Variants in CACNA1H observed in about 807,000 individuals in gnomAD.
The protein encoded by CACNA1H is voltage-dependent T-type calcium channel subunit alpha-1H.
In CACNA1H, 149 loss-of-function variants were observed where a neutral mutation model predicts 192.5. The observed-to-expected ratio is 0.77, with a 90% CI of 0.68 to 0.89. The LOEUF is 0.89. Among genes scored for constraint, CACNA1H ranks in the 40% least tolerant of loss-of-function variants. The pLI is 0.00. For missense variants in CACNA1H, 4,257 were observed against 3,423.5 expected (o/e 1.24, Z -6.08); for synonymous variants, 2,202 against 1,475.2 (o/e 1.49, Z -11.29).
At chr16:1,207,187 C>T (rs953513832) in intron 13 of CACNA1H, 69 bp downstream of exon 13, 15 of 1,547,168 alleles carry the variant, frequency 9.7e-6, no homozygotes, top group Non-Finnish European at 1.2e-5. Flanking sequence ...GAGGTGCCGT[C>T]CTGCGCATCC....
chr16:1,196,532 C>T (rs1966996611), intron 5 of CACNA1H, among the ~76,000 whole-genome samples: 1 of 152,224 alleles, frequency 6.6e-6, no homozygotes, highest in African/African-American at 2.4e-5. Context: ...TGCTTCTGGC[C>T]CCTACTCTCC....
chr16:1,163,381 C>T (rs1012233405), intron 2 of CACNA1H, among the ~76,000 whole-genome samples: 8 of 152,168 alleles, frequency 5.3e-5, no homozygotes, highest in African/African-American at 1.4e-4. Context: ...CTCGTGCTCC[C>T]GGGAGGGGGT....
In CACNA1H at chr16:1,207,775, T is replaced by C. The variant is rs1378182590; in HGVS notation, c.3069T>C (p.Asp1023=). The change falls in exon 15 of 35, where the codon GAT becomes GAC. Residue 1023 remains aspartate (D), a synonymous_variant. Coordinates refer to ENST00000348261, the MANE Select transcript of CACNA1H (RefSeq NM_021098.3). The stretch of plus-strand genomic sequence containing the variant: ...TTGTGCTTTGTTGGGTTTAGGGCGA[T>C]GCCAACAGATCCGACACGGACGAGG... ...ILVEGFQAEG[D]ANRSDTDEDK... The C allele has an allele frequency of 6.3e-7, 1 of 1,596,352 alleles. No individual in the cohort carries two copies. The highest frequency in any genetic ancestry group is 1.1e-5 in the South Asian group (1 of 87,904).
rs1970361160 is a variant in CACNA1H, at chr16:1,220,071, A to T, written c.6139A>T (p.Arg2047Trp). ...AGAGCCTGGTGAGAAAACCCCGGTG[A>T]GGCCGGTGACCCAGGGGGGCTCCCT... ...PAEPGEKTPVRPVTQGGSLQS... is the reference protein window; with the variant it reads ...PAEPGEKTPVWPVTQGGSLQS... The change falls in exon 35 of 35, where the codon AGG (arginine) becomes TGG (tryptophan). Residue 2047 changes from arginine to tryptophan, a missense_variant. Coordinates refer to ENST00000348261, the MANE Select transcript of CACNA1H (RefSeq NM_021098.3). The T allele has an allele frequency of 1.4e-6, 2 of 1,440,088 alleles. No homozygotes were observed. Among genetic ancestry groups the T allele is most frequent in the African/African-American group, 3.0e-5 (2 of 67,212 alleles). The allele number at this position is 1,440,088 out of a possible 1,614,324, so 89.2% of individuals were successfully genotyped here.
At position 1,211,609 on chromosome 16, in the gene CACNA1H, G is replaced by T. The variant is rs534697226; in HGVS notation, c.4476+3G>T. 3.0e-5 allele frequency: 48 copies of T among 1,609,358 alleles called. No individual in the cohort carries two copies. The South Asian group carries it at 4.6e-4, about 16-fold the overall frequency. Reference sequence around the variant, plus strand: ...ACAACTTCGACAACCTGGGCCAGGTGGGCTGGGCGGCCGGGCGGGAGCTGG... The same window carrying T: ...ACAACTTCGACAACCTGGGCCAGGTTGGCTGGGCGGCCGGGCGGGAGCTGG... On this transcript the variant is annotated splice_donor_region_variant and intron_variant, in intron 23 of 34. Transcript: ENST00000348261.
At chr16:1,168,078 G>C (rs976408713) in intron 2 of CACNA1H, among the ~76,000 whole-genome samples, 2 of 152,168 alleles carry the variant, frequency 1.3e-5, no homozygotes, top group African/African-American at 4.8e-5. Context: ...GATGTTTTCG[G>C]AAGGGGTGCC....
rs1196615608 is a variant in CACNA1H at position 1,153,200 on chromosome 16, C to T, written c.-289C>T. On this transcript the variant is annotated 5_prime_UTR_variant, in exon 1 of 35. Transcript: ENST00000348261. ...CGCGCCCCGCGCCCCGCGCCCCGCG[C>T]CCCGGCCTCACCCGTCCGCTCAGCG... is the stretch of plus-strand genomic sequence containing the variant. 6.9e-6 allele frequency: 1 copy of T among 145,698 alleles called. No homozygotes were observed. Among genetic ancestry groups the T allele is most frequent in the Non-Finnish European group, 1.5e-5 (1 of 65,336 alleles). 9.0% of individuals were successfully genotyped at this position (145,698 alleles called of 1,614,324 possible).
rs955878956 is a variant in CACNA1H at position 1,221,213 on chromosome 16, G to A, written c.*219G>A. The A allele has an allele frequency of 1.6e-5, 8 of 515,006 alleles. No individual in the cohort carries two copies. Among genetic ancestry groups the A allele is most frequent in the Admixed American group, 1.1e-4 (3 of 28,140 alleles). The allele number at this position is 515,006 out of a possible 1,614,324, so 31.9% of individuals were successfully genotyped here. A position where few individuals can be genotyped will look rare whatever the true frequency, so the allele number is the denominator to read the frequency against. ...CGTCCGTTCTGGTTCGGGTTTCTCC[G>A]AGTTTTGCTACCAGCCGAGGCTGTG... On this transcript the variant is annotated 3_prime_UTR_variant, in exon 35 of 35. Transcript: ENST00000348261.
In CACNA1H at chr16:1,211,260, C is replaced by T. The variant is rs1379672193; in HGVS notation, c.4316C>T (p.Ala1439Val). ...GGGAACATCGTCCTCATCTGCTGCGCCTTCTTCATCATTTTTGGCATTTTG... is the reference window on the plus strand; with the variant it reads ...GGGAACATCGTCCTCATCTGCTGCGTCTTCTTCATCATTTTTGGCATTTTG... ...PIGNIVLICC[A>V]FFIIFGILGV... The change falls in exon 22 of 35, where the codon GCC (alanine) becomes GTC (valine). Residue 1439 changes from alanine to valine, a missense_variant. By Grantham distance (64) the Ala-to-Val change is moderately conservative. Transcript: ENST00000348261. 3.1e-6 allele frequency: 5 copies of T among 1,613,154 alleles called. No homozygotes were observed. The highest frequency in any genetic ancestry group is 1.7e-4 in the Middle Eastern group (1 of 6,060).
intron 2 of CACNA1H, among the ~76,000 whole-genome samples, chr16:1,194,488 C>T (rs1039059512): frequency 1.1e-4 from 16 of 152,268 alleles, no homozygotes; most frequent in Admixed American, 1.0e-3. Flanking sequence ...GAGGGTGGGA[C>T]GGGGAGTCCT....
intron 2 of CACNA1H, among the ~76,000 whole-genome samples, chr16:1,154,268 T>C (rs1175912941): frequency 3.3e-5 from 5 of 151,666 alleles, no homozygotes; most frequent in Admixed American, 1.3e-4. Context: ...CAGGGCCGGC[T>C]CCGGACGGAG....
intron 2 of CACNA1H, among the ~76,000 whole-genome samples, chr16:1,177,363 A>G (rs1353593973): frequency 6.6e-6 from 1 of 152,200 alleles, no homozygotes; most frequent in Non-Finnish European, 1.5e-5. Context: ...CCTGAAGTTC[A>G]GGGCCGAGGG....
At position 1,205,271 on chromosome 16, in the gene CACNA1H, T is replaced by TCC. The variant is rs774380240; in HGVS notation, c.2603+9_2603+10dup. 5 of 1,593,138 alleles carry TCC rather than the reference T, an allele frequency of 3.1e-6. No individual in the cohort carries two copies. The highest frequency in any genetic ancestry group is 2.7e-5 in the African/African-American group (2 of 74,474). ...GGCATCATCGTGGTCATCAGGTGGG[T>TCC]CCCCACCCTCTCCCCAGGAAGAGGG... On this transcript the variant is annotated splice_region_variant and intron_variant, in intron 11 of 34. Transcript: ENST00000348261.
intron 17 of CACNA1H, 94 bp downstream of exon 17, chr16:1,209,506 T>G: frequency 6.8e-7 from 1 of 1,470,510 alleles, no homozygotes; most frequent in Non-Finnish European, 9.2e-7. Context: ...TCAGGGCGTG[T>G]TGTTGACTGA....
intron 2 of CACNA1H, among the ~76,000 whole-genome samples, 170 bp downstream of exon 2, chr16:1,154,206 T>G (rs1258575959): frequency 6.6e-6 from 1 of 151,092 alleles, no homozygotes; most frequent in Non-Finnish European, 1.5e-5. Flanking sequence ...CGCTCTAATT[T>G]CTGAGAGTGG....
chr16:1,153,947 C>T lies in CACNA1H; in HGVS notation c.210C>T (p.Val70=). 2.1e-6 allele frequency: 3 copies of T among 1,455,006 alleles called. No individual in the cohort carries two copies. Among genetic ancestry groups the T allele is most frequent in the African/African-American group, 1.5e-5 (1 of 67,966 alleles). The allele number at this position is 1,455,006 out of a possible 1,614,324, so 90.1% of individuals were successfully genotyped here. A position where few individuals can be genotyped will look rare whatever the true frequency, so the allele number is the denominator to read the frequency against. ...AELGADEEQR[V]PYPALAATVF... The stretch of plus-strand genomic sequence containing the variant: ...TGGGTGCCGACGAGGAGCAGCGCGT[C>T]CCGTACCCGGCCTTGGCGGCCACGG... Residue 70 remains valine, a synonymous_variant, in exon 2 of 35, where the codon GTC becomes GTT. Coordinates refer to ENST00000348261, the MANE Select transcript of CACNA1H (RefSeq NM_021098.3).
intron 26 of CACNA1H, among the ~76,000 whole-genome samples, chr16:1,212,766 C>T (rs1030974785): frequency 6.6e-6 from 1 of 152,244 alleles, no homozygotes; most frequent in Non-Finnish European, 1.5e-5. Context: ...TGCGCCGGGA[C>T]ACCCAGAGCA....
intron 30 of CACNA1H, among the ~76,000 whole-genome samples, chr16:1,215,804 A>G (rs1969977927): frequency 6.6e-6 from 1 of 152,128 alleles, no homozygotes; most frequent in Non-Finnish European, 1.5e-5. Flanking sequence ...TCCTCTGGGC[A>G]AGACTCATAA....
At chr16:1,155,187 A>T (rs1245917373) in intron 2 of CACNA1H, among the ~76,000 whole-genome samples, 1 of 152,238 alleles carries the variant, frequency 6.6e-6, no homozygotes, top group Non-Finnish European at 1.5e-5. Flanking sequence ...CGAGTGAGTC[A>T]GACTCATCTC....
Sources: allele counts gnomAD v4.1 joint callset (sites outside exome capture counted in the v4.1 genomes callset), GRCh38; gene constraint gnomAD v4.1.1; transcripts MANE v1.5; gene names NCBI Gene and HGNC (gene_info 2026-07-23, HGNC 2026-07-21).